MRPL51: variants seen among roughly 807,000 people sequenced by gnomAD.
The protein encoded by MRPL51 is large ribosomal subunit protein mL51.
MRPL51 carries 6 observed loss-of-function variants against 15.0 expected under a neutral mutation model. That is an observed-to-expected ratio of 0.40 (90% CI 0.22 to 0.79). The LOEUF is 0.79. Ranked by LOEUF, MRPL51 falls within the 30% of genes least tolerant of loss-of-function variation. The pLI is 0.36. For synonymous variants in MRPL51, 65 were observed against 58.3 expected, an observed-to-expected ratio of 1.11 and a Z score of -0.52; for missense variants, 155 against 166.4, an observed-to-expected ratio of 0.93 and a Z score of 0.38.
chr12:6,492,426 TG>T lies in MRPL51; in HGVS notation c.231del (p.Ile78TyrfsTer56), dbSNP rs748824105. Reference protein sequence around the residue: ...EKHPKELIRGPIWLRGWKGNE... With the variant: ...EKHPKELIRGXIWLRGWKGNE... ...TTCCCTTTCCAACCTCGAAGCCATA[TG>T]GGCCCCCTGATCAGTTCTTTGGGGT... On this transcript the variant is annotated frameshift_variant, in exon 3 of 3. Transcript: ENST00000229238. LOFTEE classifies it high-confidence loss of function. 132 of 1,613,478 alleles carry T rather than the reference TG, an allele frequency of 8.2e-5. No individual in the cohort carries two copies. The highest frequency in any genetic ancestry group is 1.1e-4 in the Non-Finnish European group (127 of 1,179,778).
intron 2 of MRPL51, 36 bp downstream of exon 2, chr12:6,492,826 C>T (rs772042647): frequency 5.8e-6 from 9 of 1,552,328 alleles, no homozygotes; most frequent in Non-Finnish European, 6.2e-6. Context: ...AATTGCCATT[C>T]TGAAATTGTG....
chr12:6,492,743 C>T lies in MRPL51; in HGVS notation c.190+119G>A. 4.0e-6 allele frequency: 4 copies of T among 1,012,040 alleles called. No homozygotes were observed. The South Asian group carries it at 4.2e-5, about 11-fold the overall frequency. 62.7% of individuals were successfully genotyped at this position (1,012,040 alleles called of 1,614,324 possible). A position where few individuals can be genotyped will look rare whatever the true frequency, so the allele number is the denominator to read the frequency against. ...GTGCCAAACACAATGTAAACAGCTA[C>T]ATAAGTGTTTGCTCTTACTATTGAG... is the stretch of plus-strand genomic sequence containing the variant. On this transcript the variant is annotated intron_variant, in intron 2 of 2. Coordinates refer to ENST00000229238, the MANE Select transcript of MRPL51 (RefSeq NM_016497.4).
chr12:6,492,849 G>A lies in MRPL51; in HGVS notation c.190+13C>T. ...TTCTGAAATTGTGTACCACGTCGAAGGTCAAGTCTTACCCAGGATCCCGAT... is the reference window on the plus strand; with the variant it reads ...TTCTGAAATTGTGTACCACGTCGAAAGTCAAGTCTTACCCAGGATCCCGAT... On this transcript the variant is annotated intron_variant, in intron 2 of 2. Transcript: ENST00000229238. 1 of 1,588,994 alleles carries A rather than the reference G, an allele frequency of 6.3e-7. No individual in the cohort carries two copies. The highest frequency in any genetic ancestry group is 1.1e-5 in the South Asian group (1 of 90,560).
At chr12:6,492,713 G>C in intron 2 of MRPL51, 149 bp downstream of exon 2, 1 of 863,050 alleles carries the variant, frequency 1.2e-6, no homozygotes, top group Non-Finnish European at 1.8e-6. Flanking sequence ...AGGGGACTCA[G>C]AACAGTGCCA....
chr12:6,492,554 C>A, intron 2 of MRPL51, 87 bp from the exon 3 acceptor site: 2 of 1,327,004 alleles, frequency 1.5e-6, no homozygotes, highest in Non-Finnish European at 2.1e-6. Context: ...TTGCATCTTG[C>A]TGAGCAGCAC....
rs1229368661 is a variant in MRPL51, at chr12:6,492,756, TCTTA to T, written c.190+102_190+105del. Reference sequence around the variant, plus strand: ...TGTAAACAGCTACATAAGTGTTTGCTCTTACTATTGAGCACAGTACCACTCTCTA... The same window carrying T: ...TGTAAACAGCTACATAAGTGTTTGCTCTATTGAGCACAGTACCACTCTCTA... On this transcript the variant is annotated intron_variant, in intron 2 of 2. Coordinates refer to ENST00000229238, the MANE Select transcript of MRPL51 (RefSeq NM_016497.4). 4 of 1,146,540 alleles carry T rather than the reference TCTTA, an allele frequency of 3.5e-6. No individual in the cohort carries two copies. In the African/African-American group the frequency reaches 4.6e-5, roughly 13 times the overall value. The allele number at this position is 1,146,540 out of a possible 1,614,324, so 71.0% of individuals were successfully genotyped here. A position where few individuals can be genotyped will look rare whatever the true frequency, so the allele number is the denominator to read the frequency against.
chr12:6,492,944 G>A lies in MRPL51; in HGVS notation c.108C>T (p.Leu36=). ...CAACCACTTTGGGGGGCGGGAGAGT[G>A]AGCCTTATACCGATCAATCTAGGCA... ...LGVPRLIGIR[L]TLPPPKVVDR... The change falls in exon 2 of 3, where the codon CTC becomes CTT. Residue 36 remains leucine (L), a synonymous_variant. Coordinates refer to ENST00000229238, the MANE Select transcript of MRPL51 (RefSeq NM_016497.4). 1 of 1,614,070 alleles carries A rather than the reference G, an allele frequency of 6.2e-7. No individual in the cohort carries two copies. The highest frequency in any genetic ancestry group is 8.5e-7 in the Non-Finnish European group (1 of 1,180,000).
rs1945927691 is a variant in MRPL51, at chr12:6,492,291, G to A, written c.367C>T (p.Arg123Ter). The A allele has an allele frequency of 4.4e-6, 7 of 1,605,980 alleles. No homozygotes were observed. Among genetic ancestry groups the A allele is most frequent in the Non-Finnish European group, 5.9e-6 (7 of 1,177,238 alleles). The change falls in exon 3 of 3, where the codon CGA (arginine) becomes TGA (stop). Residue 123 changes from arginine (R) to a stop codon, truncating the protein, a stop_gained. Coordinates refer to ENST00000229238, the MANE Select transcript of MRPL51 (RefSeq NM_016497.4). LOFTEE classifies it high-confidence loss of function. ...RIRYLYKHFN[R>*]HGKFR ...CTCTTCTATCGAAACTTCCCATGTCGGTTAAAGTGTTTGTAGAGATAGCGG... is the reference window on the plus strand; with the variant it reads ...CTCTTCTATCGAAACTTCCCATGTCAGTTAAAGTGTTTGTAGAGATAGCGG...
At position 6,493,082 on chromosome 12, in the gene MRPL51, G is replaced by A. The variant is rs1174880090; in HGVS notation, c.55C>T (p.Leu19=). The A allele has an allele frequency of 1.9e-6, 3 of 1,613,154 alleles. No individual in the cohort carries two copies. Among genetic ancestry groups the A allele is most frequent in the Non-Finnish European group, 2.5e-6 (3 of 1,180,028 alleles). Residue 19 remains leucine (L), a synonymous_variant, in exon 1 of 3, where the codon CTG becomes TTG. Transcript: ENST00000229238. ...AGRRLWDWVP[L]ACRSFSLGVP... ...CCAAGAGAGAAGCTTCTGCACGCCA[G>A]AGGCACCCAGTCCCACAGGCGCCTA...
chr12:6,493,219 A>T lies in MRPL51; in HGVS notation c.-83T>A. Reference sequence around the variant, plus strand: ...CCGTCCCCGCCAACTTCACACGAGTACTAAGGCGAAGACAGCCATCTTGGG... The same window carrying T: ...CCGTCCCCGCCAACTTCACACGAGTTCTAAGGCGAAGACAGCCATCTTGGG... On this transcript the variant is annotated 5_prime_UTR_variant, in exon 1 of 3. Coordinates refer to ENST00000229238, the MANE Select transcript of MRPL51 (RefSeq NM_016497.4). 3 of 1,474,898 alleles carry T rather than the reference A, an allele frequency of 2.0e-6. No homozygotes were observed. The highest frequency in any genetic ancestry group is 2.8e-6 in the Non-Finnish European group (3 of 1,071,100). The allele number at this position is 1,474,898 out of a possible 1,614,324, so 91.4% of individuals were successfully genotyped here. A position where few individuals can be genotyped will look rare whatever the true frequency, so the allele number is the denominator to read the frequency against.
chr12:6,492,288 G>C lies in MRPL51; in HGVS notation c.370C>G (p.His124Asp). The C allele has an allele frequency of 6.2e-7, 1 of 1,601,104 alleles. No individual in the cohort carries two copies. The highest frequency in any genetic ancestry group is 1.1e-5 in the South Asian group (1 of 88,578). Reference protein sequence around the residue: ...IRYLYKHFNRHGKFR With the variant: ...IRYLYKHFNRDGKFR ...TTTCTCTTCTATCGAAACTTCCCAT[G>C]TCGGTTAAAGTGTTTGTAGAGATAG... is the stretch of plus-strand genomic sequence containing the variant. The change falls in exon 3 of 3, where the codon CAT becomes GAT. Residue 124 changes from histidine to aspartate, a missense_variant. Physicochemically the swap from His to Asp is moderately conservative, Grantham distance 81. Transcript: ENST00000229238.
rs770029749 is a variant in MRPL51 at position 6,492,370 on chromosome 12, T to G, written c.288A>C (p.Lys96Asn). 5 of 1,614,152 alleles carry G rather than the reference T, an allele frequency of 3.1e-6. No homozygotes were observed. The highest frequency in any genetic ancestry group is 4.2e-6 in the Non-Finnish European group (5 of 1,180,020). Residue 96 changes from lysine (K) to asparagine (N), a missense_variant, in exon 3 of 3, where the codon AAA becomes AAC. Transcript: ENST00000229238. ...NELQRCIRKR[K>N]MVGSRMFADD... Reference sequence around the variant, plus strand: ...CAGCGAACATTCTACTTCCAACCATTTTCCTCTTTCGGATACAACGTTGCA... The same window carrying G: ...CAGCGAACATTCTACTTCCAACCATGTTCCTCTTTCGGATACAACGTTGCA...
chr12:6,493,082 G>C lies in MRPL51; in HGVS notation c.55C>G (p.Leu19Val). 6.2e-7 allele frequency: 1 copy of C among 1,613,272 alleles called. No homozygotes were observed. Among genetic ancestry groups the C allele is most frequent in the Non-Finnish European group, 8.5e-7 (1 of 1,180,020 alleles). Residue 19 changes from leucine to valine, a missense_variant, in exon 1 of 3, where the codon CTG becomes GTG. By Grantham distance (32) the Leu-to-Val change is conservative. Transcript: ENST00000229238. ...AGRRLWDWVP[L>V]ACRSFSLGVP... is the part of the protein sequence containing the mutation. ...CCAAGAGAGAAGCTTCTGCACGCCA[G>C]AGGCACCCAGTCCCACAGGCGCCTA...
In MRPL51 at chr12:6,493,214, C is replaced by G; in HGVS notation, c.-78G>C. 6.6e-7 allele frequency: 1 copy of G among 1,509,406 alleles called. No individual in the cohort carries two copies. The highest frequency in any genetic ancestry group is 2.4e-4 in the Middle Eastern group (1 of 4,254). The allele number at this position is 1,509,406 out of a possible 1,614,324, so 93.5% of individuals were successfully genotyped here. A position where few individuals can be genotyped will look rare whatever the true frequency, so the allele number is the denominator to read the frequency against. ...AGGAACCGTCCCCGCCAACTTCACA[C>G]GAGTACTAAGGCGAAGACAGCCATC... On this transcript the variant is annotated 5_prime_UTR_variant, in exon 1 of 3. Transcript: ENST00000229238.
Position 6,492,192 on chromosome 12 carries a change from GT to G in MRPL51, c.*78del. The G allele has an allele frequency of 2.8e-6, 4 of 1,409,188 alleles. No homozygotes were observed. The highest frequency in any genetic ancestry group is 2.9e-6 in the Non-Finnish European group (3 of 1,042,394). 87.3% of individuals were successfully genotyped at this position (1,409,188 alleles called of 1,614,324 possible). ...TTTATTACAGAGAAAATACAAAGCC[GT>G]TTCCTCACAGGGAAAAGTACAGTTT... On this transcript the variant is annotated 3_prime_UTR_variant, in exon 3 of 3. Coordinates refer to ENST00000229238, the MANE Select transcript of MRPL51 (RefSeq NM_016497.4).
intron 2 of MRPL51, 149 bp downstream of exon 2, chr12:6,492,713 G>T: frequency 1.2e-6 from 1 of 863,046 alleles, no homozygotes; most frequent in Non-Finnish European, 1.8e-6. Context: ...AGGGGACTCA[G>T]AACAGTGCCA....
chr12:6,492,777 C>G, intron 2 of MRPL51, 85 bp downstream of exon 2: 1 of 1,328,016 alleles, frequency 7.5e-7, no homozygotes, highest in Admixed American at 1.7e-5. Flanking sequence ...AGCACAGTAC[C>G]ACTCTCTACA....
At position 6,492,925 on chromosome 12, in the gene MRPL51, C is replaced by A; in HGVS notation, c.127G>T (p.Val43Leu). 1 of 1,614,096 alleles carries A rather than the reference C, an allele frequency of 6.2e-7. No homozygotes were observed. The highest frequency in any genetic ancestry group is 1.1e-5 in the South Asian group (1 of 91,080). ...CTTTTCTCGTTCCAACGATCAACCACTTTGGGGGGCGGGAGAGTGAGCCTT... is the reference window on the plus strand; with the variant it reads ...CTTTTCTCGTTCCAACGATCAACCAATTTGGGGGGCGGGAGAGTGAGCCTT... ...GIRLTLPPPKVVDRWNEKRAM... is the reference protein window; with the variant it reads ...GIRLTLPPPKLVDRWNEKRAM... The change falls in exon 2 of 3, where the codon GTG (valine) becomes TTG (leucine). Residue 43 changes from valine (V) to leucine (L), a missense_variant. Transcript: ENST00000229238.
Position 6,492,973 on chromosome 12 carries a change from C to G in MRPL51, c.80-1G>C, listed in dbSNP as rs750542827. 2 of 1,613,744 alleles carry G rather than the reference C, an allele frequency of 1.2e-6. No homozygotes were observed. Among genetic ancestry groups the G allele is most frequent in the South Asian group, 1.1e-5 (1 of 91,076 alleles). On this transcript the variant is annotated splice_acceptor_variant, in intron 1 of 2. Transcript: ENST00000229238. LOFTEE classifies it high-confidence loss of function. ...CTTATACCGATCAATCTAGGCACAC[C>G]TGGGGATGGGGAAGGGAGGGAATTA...
Sources: allele counts gnomAD v4.1 joint callset, GRCh38; gene constraint gnomAD v4.1.1; transcripts MANE v1.5; gene names NCBI Gene and HGNC (gene_info 2026-07-23, HGNC 2026-07-21).